Variants in GRAMD1B observed in about 807,000 individuals in gnomAD.
The protein encoded by GRAMD1B is GRAM domain containing 1B.
In GRAMD1B, 37 loss-of-function variants were observed where a neutral mutation model predicts 99.7. That is an observed-to-expected ratio of 0.37 (90% confidence interval 0.29 to 0.49). The LOEUF is 0.49. GRAMD1B is among the 20% of genes least tolerant of loss of function. GRAMD1B has a pLI of 0.98. For missense variants in GRAMD1B, 888 were observed against 1,009.2 expected (o/e 0.88, Z 1.63); for synonymous variants, 427 against 387.6 (o/e 1.10, Z -1.19).
intron 1 of GRAMD1B, among the ~76,000 whole-genome samples, chr11:123,380,078 G>C (rs925065662): frequency 6.6e-6 from 1 of 152,142 alleles, no homozygotes; most frequent in African/African-American, 2.4e-5. Flanking sequence ...CTAGACACAA[G>C]TCTCTTGTCA....
intron 2 of GRAMD1B, among the ~76,000 whole-genome samples, chr11:123,573,313 A>C (rs1247346627): frequency 6.6e-6 from 1 of 152,232 alleles, no homozygotes; most frequent in African/African-American, 2.4e-5. Context: ...GTGGGAAATT[A>C]TAGGGGTCTT....
chr11:123,509,452 G>A (rs977429367), intron 2 of GRAMD1B, among the ~76,000 whole-genome samples: 2 of 152,168 alleles, frequency 1.3e-5, no homozygotes, highest in African/African-American at 4.8e-5. Context: ...TTTCTGATTG[G>A]GAGAAATATC....
chr11:123,615,829 A>G (rs889234717), intron 17 of GRAMD1B, among the ~76,000 whole-genome samples: 6 of 152,240 alleles, frequency 3.9e-5, no homozygotes, highest in Admixed American at 1.3e-4. Context: ...CTTGGTGTGA[A>G]TGAAAGCATC....
intron 1 of GRAMD1B, among the ~76,000 whole-genome samples, chr11:123,431,540 T>C (rs1201229767): frequency 6.6e-6 from 1 of 152,252 alleles, no homozygotes; most frequent in Non-Finnish European, 1.5e-5. Flanking sequence ...ATTTCATCCC[T>C]ACGCAAACTC....
intron 2 of GRAMD1B, among the ~76,000 whole-genome samples, chr11:123,551,045 A>G (rs1229226426): frequency 6.6e-6 from 1 of 152,208 alleles, no homozygotes; most frequent in African/African-American, 2.4e-5. Flanking sequence ...GTTGGGAGCA[A>G]AGCTATAAGC....
In GRAMD1B at chr11:123,415,197, G is replaced by C. The variant is rs1399584986; in HGVS notation, c.-176+56398G>C. Among the ~76,000 whole-genome samples, 3 of 140,636 alleles carry C rather than the reference G, an allele frequency of 2.1e-5. No homozygotes were observed. In the South Asian group the frequency reaches 7.1e-4, roughly 33 times the overall value. The allele number at this position is 140,636 out of a possible 152,430, so 92.3% of individuals were successfully genotyped here. On this transcript the variant is annotated intron_variant, in intron 1 of 20. Transcript: ENST00000638157. ...GGATCACTGCAACCTCCGCCAACCA[G>C]GTTCAAGCGATTCTCTTGCCTTAGC...
At chr11:123,490,773 A>C (rs1311604135) in intron 2 of GRAMD1B, among the ~76,000 whole-genome samples, 1 of 152,178 alleles carries the variant, frequency 6.6e-6, no homozygotes, top group South Asian at 2.1e-4. Flanking sequence ...GCAGAGTTTT[A>C]GAGGAGGCAA....
intron 1 of GRAMD1B, among the ~76,000 whole-genome samples, chr11:123,373,448 G>C (rs1946594779): frequency 6.6e-6 from 1 of 152,206 alleles, no homozygotes; most frequent in South Asian, 2.1e-4. Flanking sequence ...TTCCCTTTCA[G>C]AAAAGGTAGA....
chr11:123,617,270 C>A (rs548579238), intron 17 of GRAMD1B, among the ~76,000 whole-genome samples: 71 of 151,734 alleles, frequency 4.7e-4, no homozygotes, highest in African/African-American at 1.6e-3. Context: ...TCTAACTTCC[C>A]CTTCCCGGGC....
intron 2 of GRAMD1B, among the ~76,000 whole-genome samples, chr11:123,552,429 C>T (rs1043835026): frequency 6.6e-6 from 1 of 151,898 alleles, no homozygotes; most frequent in African/African-American, 2.4e-5. Context: ...GGTGCATCAC[C>T]ACGCCCAGCT....
intron 1 of GRAMD1B, among the ~76,000 whole-genome samples, chr11:123,451,748 A>G (rs1002618118): frequency 6.6e-6 from 1 of 152,106 alleles, no homozygotes; most frequent in African/African-American, 2.4e-5. Context: ...CTTGGCTGCT[A>G]TGTGCTGGCC....
At chr11:123,596,765 G>C (rs1005027091) in intron 7 of GRAMD1B, among the ~76,000 whole-genome samples, 7 of 152,194 alleles carry the variant, frequency 4.6e-5, no homozygotes, top group Admixed American at 4.6e-4. Flanking sequence ...ACAATTGAAG[G>C]CCTGAGTGTT....
chr11:123,476,252 C>T (rs1951267624), intron 1 of GRAMD1B, among the ~76,000 whole-genome samples: 1 of 152,082 alleles, frequency 6.6e-6, no homozygotes, highest in Non-Finnish European at 1.5e-5. Flanking sequence ...AGGCGTGCAC[C>T]ATCACACCTG....
intron 11 of GRAMD1B, among the ~76,000 whole-genome samples, chr11:123,607,182 C>CTTGTTAATG (rs1406482229): frequency 6.6e-6 from 1 of 152,156 alleles, no homozygotes; most frequent in Non-Finnish European, 1.5e-5. Context: ...AGCTGCGAAA[C>CTTGTTAATG]TTGTTAATGC....
rs539082561 is a variant in GRAMD1B, at chr11:123,514,866, A to C, written c.452+33973A>C. Among the ~76,000 whole-genome samples the C allele has an allele frequency of 2.0e-5, 3 of 152,300 alleles. No homozygotes were observed. The East Asian group carries it at 5.8e-4, about 29-fold the overall frequency. Reference sequence around the variant, plus strand: ...ATTTTTACATCTATCTCTCCCCACTAGACTGTGAGCTCCTTGAGGGCAGGG... The same window carrying C: ...ATTTTTACATCTATCTCTCCCCACTCGACTGTGAGCTCCTTGAGGGCAGGG... On this transcript the variant is annotated intron_variant, in intron 2 of 19. Transcript: ENST00000635736.
intron 12 of GRAMD1B, 31 bp from the exon 13 acceptor site, chr11:123,609,760 CCCTT>C: frequency 8.2e-7 from 1 of 1,218,642 alleles, no homozygotes; most frequent in Non-Finnish European, 1.2e-6. Flanking sequence ...GCTCTGCCCT[CCCTT>C]CCTCATTCCA....
chr11:123,514,672 AG>A (rs1291920452), intron 2 of GRAMD1B, among the ~76,000 whole-genome samples: 2 of 152,230 alleles, frequency 1.3e-5, no homozygotes, highest in Non-Finnish European at 2.9e-5. Context: ...AGGGAGCTGA[AG>A]CGCTGTGAAA....
intron 1 of GRAMD1B, among the ~76,000 whole-genome samples, chr11:123,386,235 C>T (rs1315495365): frequency 6.6e-6 from 1 of 152,092 alleles, no homozygotes; most frequent in Non-Finnish European, 1.5e-5. Context: ...TGCCTTTCCT[C>T]TGCCACATTT....
chr11:123,470,975 T>G (rs899640085), intron 1 of GRAMD1B, among the ~76,000 whole-genome samples: 3 of 152,164 alleles, frequency 2.0e-5, no homozygotes, highest in Non-Finnish European at 4.4e-5. Flanking sequence ...GAAATACTGG[T>G]GTGACTAAGG....
Sources: allele counts gnomAD v4.1 joint callset (sites outside exome capture counted in the v4.1 genomes callset), GRCh38; gene constraint gnomAD v4.1.1; transcripts MANE v1.5; gene names NCBI Gene and HGNC (gene_info 2026-07-23, HGNC 2026-07-21).